The following HLCS variants were observed in gnomAD, a reference collection of about 807,000 sequenced individuals.
HLCS encodes the protein holocarboxylase synthetase.
In HLCS, 53 loss-of-function variants were observed where a neutral mutation model predicts 75.0. That is an observed-to-expected ratio of 0.71 (90% confidence interval 0.57 to 0.89). HLCS has a LOEUF of 0.89. Among genes scored for constraint, HLCS ranks in the 40% least tolerant of loss-of-function variants. The pLI is 0.00. For synonymous variants in HLCS, 431 were observed against 428.6 expected (o/e 1.01, Z -0.07); for missense variants, 966 against 1,074.0 (o/e 0.90, Z 1.41).
intron 5 of HLCS, 123 bp downstream of exon 5, chr21:36,930,128 C>G: frequency 1.1e-6 from 1 of 910,862 alleles, no homozygotes; most frequent in South Asian, 1.3e-5. Context: ...GATTTCCAAA[C>G]CCGAAGTCAA....
At chr21:36,946,065 AGGG>A in intron 2 of HLCS, 1 of 977,244 alleles carries the variant, frequency 1.0e-6, no homozygotes, top group Non-Finnish European at 1.2e-6. Flanking sequence ...CTGGGCCACA[AGGG>A]TGCTCTTATG....
chr21:36,892,454 G>C (rs1032078005), intron 6 of HLCS, among the ~76,000 whole-genome samples: 2 of 152,240 alleles, frequency 1.3e-5, no homozygotes, highest in African/African-American at 4.8e-5. Context: ...GCTGGGGGCA[G>C]AGAGCTCGTC....
intron 6 of HLCS, among the ~76,000 whole-genome samples, chr21:36,890,033 A>C (rs2146307374): frequency 6.6e-6 from 1 of 152,176 alleles, no homozygotes; most frequent in South Asian, 2.1e-4. Flanking sequence ...GTGAGTTCTC[A>C]TGAGATCTGA....
At position 36,949,453 on chromosome 21, in the gene HLCS, G is replaced by A. The variant is rs1049872292; in HGVS notation, c.331-10459C>T. On this transcript the variant is annotated intron_variant, in intron 2 of 10. Transcript: ENST00000674895. ...TGAGCTTCCTCACAGTATGGGAGCT[G>A]GACTCCCAGATGGCATGTTCCAAAA... 2.6e-5 allele frequency among the ~76,000 whole-genome samples: 4 copies of A among 152,160 alleles called. No individual in the cohort carries two copies. The East Asian group carries it at 7.7e-4, about 29-fold the overall frequency.
intron 6 of HLCS, among the ~76,000 whole-genome samples, chr21:36,853,910 T>C (rs1442076992): frequency 6.6e-6 from 1 of 152,224 alleles, no homozygotes; most frequent in African/African-American, 2.4e-5. Context: ...CATTTGTTTT[T>C]GTTGTAGAAA....
rs1336193667 is a variant in HLCS at position 36,842,498 on chromosome 21, G to A, written c.1892+54362C>T. ...CTCATCCCTATAATCCCAGCACTTC[G>A]GGAGGCCAAGGTGGGCAGATCACAT... On this transcript the variant is annotated intron_variant, in intron 6 of 10. Coordinates refer to ENST00000674895, the MANE Select transcript of HLCS (RefSeq NM_001352514.2). The surrounding 1 kb of genome is among the most constrained non-coding windows in gnomAD (Gnocchi z 4.2). Among the ~76,000 whole-genome samples, 3 of 152,114 alleles carry A rather than the reference G, an allele frequency of 2.0e-5. No individual in the cohort carries two copies. The highest frequency in any genetic ancestry group is 1.9e-4 in the East Asian group (1 of 5,196).
intron 4 of HLCS, among the ~76,000 whole-genome samples, chr21:36,932,765 C>A (rs145794423): frequency 1.1e-4 from 16 of 152,328 alleles, no homozygotes; most frequent in African/African-American, 3.4e-4. Flanking sequence ...AGCTTTCAGG[C>A]GACTTAGAAT....
At position 36,749,105 on chromosome 21, in the gene HLCS, G is replaced by C. The variant is rs146981517; in HGVS notation, c.*5141C>G. ...TCTACACAGCGAGAAAACTTCGTAA[G>C]AACATGTTACGTGTGCAACAGGTAA... On this transcript the variant is annotated 3_prime_UTR_variant, in exon 11 of 11. Coordinates refer to ENST00000674895, the MANE Select transcript of HLCS (RefSeq NM_001352514.2). The C allele has an allele frequency of 6.6e-6, 1 of 152,658 alleles. No individual in the cohort carries two copies. The highest frequency in any genetic ancestry group is 1.5e-5 in the Non-Finnish European group (1 of 68,028). The allele number at this position is 152,658 out of a possible 1,614,324, so 9.5% of individuals were successfully genotyped here. A position where few individuals can be genotyped will look rare whatever the true frequency, so the allele number is the denominator to read the frequency against.
At chr21:36,908,532 C>T (rs542491760) in intron 5 of HLCS, among the ~76,000 whole-genome samples, 13 of 152,194 alleles carry the variant, frequency 8.5e-5, no homozygotes, top group African/African-American at 1.7e-4. Flanking sequence ...TAAAGTTAAA[C>T]ACACACTTCT....
chr21:36,959,390 G>A (rs962015585), intron 2 of HLCS, among the ~76,000 whole-genome samples: 5 of 152,220 alleles, frequency 3.3e-5, no homozygotes, highest in Admixed American at 1.3e-4. Context: ...GCTGAGGACG[G>A]CTGGTTGCAG....
intron 6 of HLCS, among the ~76,000 whole-genome samples, chr21:36,888,448 ATATATATATATATATATATAT>A (rs1569149610): frequency 0.048 from 1,263 of 26,358 alleles, 81 homozygotes; most frequent in East Asian, 0.11. Flanking sequence ...AAAAAAAAAT[ATATATATATATATATATATAT>A]ATATATATAT....
chr21:36,756,045 A>G (rs1018087271), intron 10 of HLCS, among the ~76,000 whole-genome samples: 7 of 152,118 alleles, frequency 4.6e-5, no homozygotes, highest in Non-Finnish European at 8.8e-5. Flanking sequence ...TTGCTCCATT[A>G]CTTGTGATGC....
rs543035018 is a variant in HLCS at position 36,866,636 on chromosome 21, C to G, written c.1892+30224G>C. On this transcript the variant is annotated intron_variant, in intron 6 of 10. Coordinates refer to ENST00000674895, the MANE Select transcript of HLCS (RefSeq NM_001352514.2). ...AACACAGGGATCACATTCCTTCGAT[C>G]ATAAAGTCCTCAAAAGCAATCTTGC... Among the ~76,000 whole-genome samples the G allele has an allele frequency of 9.2e-5, 14 of 152,318 alleles. No homozygotes were observed. In the South Asian group the frequency reaches 2.3e-3, roughly 25 times the overall value.
chr21:36,983,167 G>A (rs531264085), intron 1 of HLCS, among the ~76,000 whole-genome samples: 9 of 151,458 alleles, frequency 5.9e-5, no homozygotes, highest in Admixed American at 1.3e-4. Flanking sequence ...TGCCTCCCAC[G>A]GTCCATACAA....
At chr21:36,884,805 T>G (rs908399294) in intron 6 of HLCS, among the ~76,000 whole-genome samples, 3 of 151,364 alleles carry the variant, frequency 2.0e-5, no homozygotes, top group Non-Finnish European at 4.4e-5. Flanking sequence ...ACATCTGGGG[T>G]TTTTTTTAGA....
chr21:36,819,971 C>A (rs2061776947), intron 6 of HLCS, among the ~76,000 whole-genome samples: 1 of 152,192 alleles, frequency 6.6e-6, no homozygotes. Context: ...AGCCATCCTA[C>A]CTAAGCCAGA....
At chr21:36,780,078 T>C (rs1463831685) in intron 6 of HLCS, among the ~76,000 whole-genome samples, 4 of 152,184 alleles carry the variant, frequency 2.6e-5, no homozygotes, top group African/African-American at 9.7e-5. Context: ...ATTTTGTAGA[T>C]GCTCTTTTGT....
chr21:36,806,823 G>A lies in HLCS; in HGVS notation c.1893-39538C>T, dbSNP rs142919941. Among the ~76,000 whole-genome samples, 247 of 152,310 alleles carry A rather than the reference G, an allele frequency of 1.6e-3. 1 individual carries two copies. The highest frequency in any genetic ancestry group is 5.6e-3 in the African/African-American group (234 of 41,564). On this transcript the variant is annotated intron_variant, in intron 6 of 10. Transcript: ENST00000674895. ...ACGATTTCCGTGTGCCTGGAGTCTG[G>A]GTTGGCTCAGCAGGATGCCTTTAGC...
At chr21:36,781,317 A>G (rs2060527174) in intron 6 of HLCS, among the ~76,000 whole-genome samples, 1 of 151,704 alleles carries the variant, frequency 6.6e-6, no homozygotes, top group South Asian at 2.1e-4. Flanking sequence ...TTAAATGTAT[A>G]AATTAACTTG....
Sources: gnomAD v4.1 joint callset for allele counts (sites outside exome capture counted in the v4.1 genomes callset) on GRCh38, gnomAD v4.1.1 for gene constraint, Gnocchi (gnomAD v3.1) non-coding constraint, MANE v1.5 for transcripts, NCBI Gene and HGNC (gene_info 2026-07-23, HGNC 2026-07-21) for gene names.